DMD: variants seen among roughly 807,000 people sequenced by gnomAD.
The protein encoded by DMD is dystrophin.
DMD carries 63 observed loss-of-function variants against 330.1 expected under a neutral mutation model. The ratio of observed to expected loss-of-function variants is 0.19; its 90% CI spans 0.16 to 0.24. DMD has a LOEUF of 0.24. DMD is among the 10% of genes least tolerant of loss of function. The probability of loss-of-function intolerance (pLI) is 1.00; values close to 1 mark genes in which losing one functional copy is unlikely to be tolerated. For missense variants in DMD, 3,344 were observed against 2,684.1 expected (o/e 1.25, Z -5.43); for synonymous variants, 1,223 against 959.8 (o/e 1.27, Z -5.07).
chrX:31,203,347 T>G (rs1270080765), intron 67 of DMD, among the ~76,000 whole-genome samples: 5 of 100,309 alleles, frequency 5.0e-5, no homozygotes, highest in Non-Finnish European at 1.0e-4. Context: ...TGTCTACCAG[T>G]GGAGTGCTCA....
intron 2 of DMD, among the ~76,000 whole-genome samples, chrX:32,935,584 TC>T (rs891825104): frequency 7.1e-5 from 8 of 112,017 alleles, no homozygotes; most frequent in Non-Finnish European, 1.5e-4. Flanking sequence ...CGAATGTCCT[TC>T]CCTCCCTCTC....
At chrX:31,933,953 T>C (rs935593990) in intron 45 of DMD, among the ~76,000 whole-genome samples, 1 of 83,811 alleles carries the variant, frequency 1.2e-5, no homozygotes, top group Non-Finnish European at 2.2e-5. Flanking sequence ...TTTTGAATGA[T>C]TAGCTATTTT....
At chrX:32,663,334 T>A (rs1187281449) in intron 9 of DMD, among the ~76,000 whole-genome samples, 1 of 111,919 alleles carries the variant, frequency 8.9e-6, no homozygotes, top group Non-Finnish European at 1.9e-5. Flanking sequence ...AATAAGAATG[T>A]AAGATATCCA....
intron 25 of DMD, among the ~76,000 whole-genome samples, chrX:32,459,152 G>C (rs1203285548): frequency 2.7e-5 from 3 of 110,820 alleles, no homozygotes; most frequent in African/African-American, 9.8e-5. Context: ...ATAGATCTTA[G>C]GAGCTCTTAT....
intron 2 of DMD, among the ~76,000 whole-genome samples, chrX:33,011,062 C>T (rs1401360712): frequency 1.8e-5 from 2 of 111,525 alleles, no homozygotes; most frequent in Non-Finnish European, 3.8e-5. Context: ...AAAATGGTAG[C>T]CTGCTTGCTT....
At chrX:32,252,773 A>T (rs867149974) in intron 43 of DMD, among the ~76,000 whole-genome samples, 4 of 35,821 alleles carry the variant, frequency 1.1e-4, no homozygotes, top group African/African-American at 6.6e-4. Flanking sequence ...AATATATATA[A>T]ATATATATAA....
Position 32,181,407 on chromosome X carries a change from C to T in DMD, c.6438+35509G>A, listed in dbSNP as rs116628100. On this transcript the variant is annotated intron_variant, in intron 44 of 78. Coordinates refer to ENST00000357033, the MANE Select transcript of DMD (RefSeq NM_004006.3). ...ATTCTGATTGGATATATCATTGCTTCCTGCTCAGCTTGCTAAGATAACTTG... is the reference window on the plus strand; with the variant it reads ...ATTCTGATTGGATATATCATTGCTTTCTGCTCAGCTTGCTAAGATAACTTG... Among the ~76,000 whole-genome samples, 541 of 111,891 alleles carry T rather than the reference C, an allele frequency of 4.8e-3. 4 individuals carry two copies. The highest frequency in any genetic ancestry group is 0.017 in the African/African-American group (518 of 30,810).
chrX:31,702,864 T>G (rs1396698176), intron 52 of DMD, among the ~76,000 whole-genome samples: 2 of 107,456 alleles, frequency 1.9e-5, no homozygotes, highest in Admixed American at 2.0e-4. Flanking sequence ...CTTTTTTTTT[T>G]TTTTTTTTAA....
In DMD at chrX:32,389,971, G is replaced by A. The variant is rs1308838719; in HGVS notation, c.4344+100C>T. On this transcript the variant is annotated intron_variant, in intron 31 of 78. Transcript: ENST00000357033. ...CATCAAATTATAGTTTTCAAATAAT[G>A]TCCTCAAATCCAATCTTGCCAATAA... 5.9e-6 allele frequency: 4 copies of A among 679,715 alleles called. No individual in the cohort carries two copies. The Admixed American group carries it at 7.4e-5, about 13-fold the overall frequency. 56.0% of individuals were successfully genotyped at this position (679,715 alleles called of 1,213,427 possible).
chrX:31,976,105 C>T (rs943657830), intron 44 of DMD, among the ~76,000 whole-genome samples: 29 of 109,946 alleles, frequency 2.6e-4, no homozygotes, highest in African/African-American at 8.6e-4. Flanking sequence ...AGTAAGGAGA[C>T]CAAGCAGGAG....
In DMD at chrX:32,467,694, C is replaced by CAT. The variant is rs60293661; in HGVS notation, c.3162+802_3162+803dup. On this transcript the variant is annotated intron_variant, in intron 23 of 78. Transcript: ENST00000357033. ...ATATGTATGTGTGTGTATATATATA[C>CAT]ATATATATATGGAAGCTAAAAATGC... 2.4e-4 allele frequency among the ~76,000 whole-genome samples: 25 copies of CAT among 104,385 alleles called. 1 individual carries two copies. Among genetic ancestry groups the CAT allele is most frequent in the East Asian group, 2.1e-3 (7 of 3,332 alleles). The allele number at this position is 104,385 out of a possible 115,157, so 90.6% of individuals were successfully genotyped here. A position where few individuals can be genotyped will look rare whatever the true frequency, so the allele number is the denominator to read the frequency against.
chrX:32,288,783 GGAGA>G (rs915370927), intron 42 of DMD, among the ~76,000 whole-genome samples: 3 of 111,642 alleles, frequency 2.7e-5, no homozygotes, highest in African/African-American at 9.7e-5. Context: ...ATGGGAGACT[GGAGA>G]GAGAAAAAAA....
Position 32,573,535 on chromosome X carries a change from G to T in DMD, c.1807C>A (p.Leu603Met), listed in dbSNP as rs909802044. The part of the protein sequence containing the change: ...QNEMLSSLQK[L>M]AVLKADLEKK... ...GAAAGCTAGAAAGTACATACGGCCAGTTTTTGAAGACTTGATAACATTTCA... is the reference window on the plus strand; with the variant it reads ...GAAAGCTAGAAAGTACATACGGCCATTTTTTGAAGACTTGATAACATTTCA... Residue 603 changes from leucine (L) to methionine (M), a missense_variant, in exon 15 of 79, where the codon CTG becomes ATG. Leu to Met is a conservative substitution (Grantham distance 15, BLOSUM62 2). Transcript: ENST00000357033. The T allele has an allele frequency of 1.7e-6, 2 of 1,207,252 alleles. No homozygotes were observed. The highest frequency in any genetic ancestry group is 3.5e-5 in the African/African-American group (2 of 57,170).
chrX:32,752,109 C>G (rs2070898460), intron 7 of DMD, among the ~76,000 whole-genome samples: 1 of 112,141 alleles, frequency 8.9e-6, no homozygotes, highest in African/African-American at 3.2e-5. Context: ...CACAGAGACC[C>G]TACTAGAGCA....
rs201425537 is a variant in DMD at position 32,878,562 on chromosome X, TACTA to T, written c.94-28746_94-28743del. ...TTGTAGCTATACTACAAAACTACAA[TACTA>T]CAGTATCTGTATTACTTTAGAAAAT... On this transcript the variant is annotated intron_variant, in intron 2 of 78. Transcript: ENST00000357033. 7.7e-3 allele frequency among the ~76,000 whole-genome samples: 862 copies of T among 111,724 alleles called. 9 individuals are homozygous for T. The highest frequency in any genetic ancestry group is 0.052 in the East Asian group (184 of 3,525).
At chrX:31,314,781 T>A (rs747592863) in intron 62 of DMD, among the ~76,000 whole-genome samples, 2,950 of 21,505 alleles carry the variant, frequency 0.14, 153 homozygotes, top group African/African-American at 0.36. Context: ...AGAGAGAGAG[T>A]GTTTTACCGT....
chrX:31,351,212 G>C (rs2058394555), intron 60 of DMD, among the ~76,000 whole-genome samples: 1 of 109,522 alleles, frequency 9.1e-6, no homozygotes, highest in South Asian at 4.0e-4. Context: ...GTATATTGTT[G>C]CTTCTATTTC....
At chrX:32,752,918 G>C (rs1323069806) in intron 7 of DMD, among the ~76,000 whole-genome samples, 1 of 110,793 alleles carries the variant, frequency 9.0e-6, no homozygotes, top group Non-Finnish European at 1.9e-5. Context: ...CACCATGATT[G>C]TGAGGCTTCC....
intron 57 of DMD, among the ~76,000 whole-genome samples, chrX:31,488,042 G>A (rs1490312874): frequency 8.9e-6 from 1 of 111,972 alleles, no homozygotes; most frequent in Non-Finnish European, 1.9e-5. Flanking sequence ...TCAAGGGCAC[G>A]GGCTAGAATA....
Sources: allele counts gnomAD v4.1 joint callset (sites outside exome capture counted in the v4.1 genomes callset), GRCh38; gene constraint gnomAD v4.1.1; transcripts MANE v1.5; gene names NCBI Gene and HGNC (gene_info 2026-07-23, HGNC 2026-07-21).